Variants in PITPNM2 observed in about 807,000 individuals in gnomAD.
The protein encoded by PITPNM2 is phosphatidylinositol transfer protein membrane associated 2, also known as membrane-associated phosphatidylinositol transfer protein 2.
A neutral mutation model predicts 132.2 loss-of-function variants in PITPNM2; 35 were observed. That is an observed-to-expected ratio of 0.26 (90% CI 0.20 to 0.35). The LOEUF is 0.35. Among genes scored for constraint, PITPNM2 ranks in the 10% least tolerant of loss-of-function variants. PITPNM2 has a pLI of 1.00. For synonymous variants in PITPNM2, 738 were observed against 799.2 expected (o/e 0.92, Z 1.29); for missense variants, 1,332 against 1,912.0 (o/e 0.70, Z 5.66).
intron 3 of PITPNM2, among the ~76,000 whole-genome samples, chr12:123,026,804 T>G (rs1413220588): frequency 6.6e-6 from 1 of 152,376 alleles, no homozygotes; most frequent in East Asian, 1.9e-4. Context: ...TGGCTCCCAG[T>G]GCTCCTTGGC....
intron 1 of PITPNM2, among the ~76,000 whole-genome samples, chr12:123,121,936 C>A (rs997658863): frequency 3.9e-5 from 6 of 152,060 alleles, no homozygotes; most frequent in Admixed American, 1.3e-4. Context: ...CTCACTGCAA[C>A]GTCTGCCTCC....
rs1170719549 is a variant in PITPNM2 at position 123,064,537 on chromosome 12, T to C, written c.-95-29852A>G. 6.6e-6 allele frequency among the ~76,000 whole-genome samples: 1 copy of C among 152,164 alleles called. No individual in the cohort carries two copies. Among genetic ancestry groups the C allele is most frequent in the Non-Finnish European group, 1.5e-5 (1 of 68,012 alleles). ...CGCGCACAGTCTGGCTCCTCTATCT[T>C]TGGCGGGGAGCCTGGGGCTATTTCG... On this transcript the variant is annotated intron_variant, in intron 2 of 25. Transcript: ENST00000320201. The surrounding 1 kb of genome is among the most constrained non-coding windows in gnomAD (Gnocchi z 4.0).
chr12:123,013,259 C>CA (rs1183717642), intron 4 of PITPNM2, among the ~76,000 whole-genome samples: 1 of 152,230 alleles, frequency 6.6e-6, no homozygotes, highest in Non-Finnish European at 1.5e-5. Context: ...GTGGGGACCC[C>CA]ACCTGCTCAG....
intron 1 of PITPNM2, among the ~76,000 whole-genome samples, chr12:123,132,782 G>T (rs994512647): frequency 2.0e-5 from 3 of 151,336 alleles, no homozygotes; most frequent in African/African-American, 7.3e-5. Flanking sequence ...TTGTCCTTTT[G>T]TGTCTGACTT....
intron 1 of PITPNM2, among the ~76,000 whole-genome samples, chr12:123,128,888 G>A (rs992516820): frequency 6.6e-6 from 1 of 152,116 alleles, no homozygotes; most frequent in Non-Finnish European, 1.5e-5. Flanking sequence ...TGTAATCTCA[G>A]CACTTGGGAG....
chr12:123,138,803 T>C (rs2043437133), intron 1 of PITPNM2, among the ~76,000 whole-genome samples: 1 of 152,216 alleles, frequency 6.6e-6, no homozygotes, highest in South Asian at 2.1e-4. Flanking sequence ...TAACACTGAA[T>C]TATATACTTT....
Position 123,074,281 on chromosome 12 carries a change from A to C in PITPNM2, c.-96+36104T>G, listed in dbSNP as rs564729768. On this transcript the variant is annotated intron_variant, in intron 2 of 25. Transcript: ENST00000320201. ...TGAAGTGGATTTAAGATCCCAGTGC[A>C]GACATAGGTTAAGGAGTTTGCTGAG... Among the ~76,000 whole-genome samples the C allele has an allele frequency of 2.1e-4, 32 of 152,358 alleles. 1 individual carries two copies. The highest frequency in any genetic ancestry group is 7.5e-4 in the African/African-American group (31 of 41,580).
intron 3 of PITPNM2, among the ~76,000 whole-genome samples, chr12:123,024,997 G>A (rs774042982): frequency 1.2e-4 from 18 of 152,192 alleles, no homozygotes; most frequent in Non-Finnish European, 2.4e-4. Context: ...CAAGCAGGAA[G>A]GGGCCTCGCT....
At chr12:123,102,636 G>C (rs1031598532) in intron 2 of PITPNM2, among the ~76,000 whole-genome samples, 3 of 152,180 alleles carry the variant, frequency 2.0e-5, no homozygotes, top group African/African-American at 4.8e-5. Context: ...CCCATGCTGA[G>C]CTGGGAACTT....
chr12:123,050,827 C>T (rs1027835931), intron 2 of PITPNM2, among the ~76,000 whole-genome samples: 2 of 152,124 alleles, frequency 1.3e-5, no homozygotes, highest in East Asian at 1.9e-4. Context: ...ATCCTCCAGC[C>T]GATGACAGAT....
At chr12:123,092,782 A>C (rs1046770358) in intron 2 of PITPNM2, 2 of 152,220 alleles carry the variant, frequency 1.3e-5, no homozygotes, top group African/African-American at 2.4e-5. Flanking sequence ...TGATCTCTGC[A>C]ACTCCTTCTC....
At position 122,987,419 on chromosome 12, in the gene PITPNM2, G is replaced by A. The variant is rs1170476757; in HGVS notation, c.3275C>T (p.Thr1092Met). 2 of 1,613,880 alleles carry A rather than the reference G, an allele frequency of 1.2e-6. No individual in the cohort carries two copies. The highest frequency in any genetic ancestry group is 1.7e-5 in the Admixed American group (1 of 60,032). The change falls in exon 23 of 26, where the codon ACG (threonine) becomes ATG (methionine). Residue 1092 changes from threonine to methionine, a missense_variant. Coordinates refer to ENST00000320201, the MANE Select transcript of PITPNM2 (RefSeq NM_020845.3). ...PIKMVVRGDH[T>M]FADSYITVLP... ...CACGGTGATGTAGCTGTCGGCAAAC[G>A]TGTGGTCTCCCCTGGCAGGTGGTGG...
At chr12:123,028,780 G>A (rs928078716) in intron 3 of PITPNM2, among the ~76,000 whole-genome samples, 2 of 152,140 alleles carry the variant, frequency 1.3e-5, no homozygotes, top group South Asian at 2.1e-4. Flanking sequence ...AGGCTAGAGC[G>A]GGCACAGACG....
At position 123,005,563 on chromosome 12, in the gene PITPNM2, G is replaced by A. The variant is rs2038892492; in HGVS notation, c.644-15C>T. The A allele has an allele frequency of 6.2e-7, 1 of 1,607,300 alleles. No homozygotes were observed. The highest frequency in any genetic ancestry group is 1.3e-5 in the African/African-American group (1 of 74,824). On this transcript the variant is annotated splice_polypyrimidine_tract_variant and intron_variant, in intron 6 of 25. Transcript: ENST00000320201. The surrounding 1 kb of genome is among the most constrained non-coding windows in gnomAD (Gnocchi z 6.2). ...CCTCCGTAGTCCTGTGCCCCATGGG[G>A]ATCAGAGAGGGAGAGACGAGGGGAG...
Position 122,990,653 on chromosome 12 carries a change from G to A in PITPNM2, c.2461C>T (p.Pro821Ser). Residue 821 changes from proline (P) to serine (S), a missense_variant, in exon 17 of 26, where the codon CCG (proline) becomes TCG (serine). Pro to Ser is a moderately conservative substitution (Grantham distance 74). Around this residue, in one of 6 missense-constraint regions of PITPNM2, gnomAD observed 710 missense variants for 911.5 expected, o/e 0.78. Transcript: ENST00000320201. ...CCACGACTGGCAGGGGCAGTGCCCG[G>A]CGAGGAGGGGGCGCCATGCTCTTGG... is the stretch of plus-strand genomic sequence containing the variant. The part of the protein sequence containing the change: ...AFQEHGAPSS[P>S]GTAPASRGFR... The A allele has an allele frequency of 1.2e-6, 2 of 1,611,844 alleles. No individual in the cohort carries two copies. Among genetic ancestry groups the A allele is most frequent in the Non-Finnish European group, 1.7e-6 (2 of 1,179,948 alleles).
Position 123,095,060 on chromosome 12 carries a change from G to T in PITPNM2, c.-96+15325C>A, listed in dbSNP as rs1296558489. 1.3e-5 allele frequency among the ~76,000 whole-genome samples: 2 copies of T among 152,116 alleles called. No homozygotes were observed. Among genetic ancestry groups the T allele is most frequent in the Admixed American group, 1.3e-4 (2 of 15,274 alleles). ...TTTTCTTTGGTCACTTCTTTTTCGG[G>T]GCACTGGGGCTCACAGCACGGCAGT... On this transcript the variant is annotated intron_variant, in intron 2 of 25. Transcript: ENST00000320201. The surrounding 1 kb of genome is among the most constrained non-coding windows in gnomAD (Gnocchi z 5.0).
chr12:123,042,717 CTTCCCAAACCTACTGG>C (rs1205165568), intron 2 of PITPNM2, among the ~76,000 whole-genome samples: 1 of 152,306 alleles, frequency 6.6e-6, no homozygotes, highest in East Asian at 1.9e-4. Flanking sequence ...CTGCTCTCTG[CTTCCCAAACCTACTGG>C]TTCCCAATCA....
rs1438824865 is a variant in PITPNM2 at position 122,986,301 on chromosome 12, T to C, written c.3776A>G (p.His1259Arg). The C allele has an allele frequency of 6.3e-7, 1 of 1,583,038 alleles. No individual in the cohort carries two copies. Among genetic ancestry groups the C allele is most frequent in the Non-Finnish European group, 8.6e-7 (1 of 1,167,678 alleles). ...CGTGTTGCGAGCGGGCCGCGCCCGG[T>C]GGCTGTACTTCAGCTGCGCCAGGTG... ...AAHLAQLKYS[H>R]RARPARNTAT... The change falls in exon 26 of 26, where the codon CAC becomes CGC. Residue 1259 changes from histidine (H) to arginine (R), a missense_variant. By Grantham distance (29) the His-to-Arg change is conservative (BLOSUM62 0). Coordinates refer to ENST00000320201, the MANE Select transcript of PITPNM2 (RefSeq NM_020845.3).
chr12:122,990,397 A>G, intron 17 of PITPNM2, 148 bp downstream of exon 17: 2 of 1,163,294 alleles, frequency 1.7e-6, no homozygotes, highest in South Asian at 1.5e-5. Flanking sequence ...GGTGCCCAGC[A>G]GCCTCCCTCC....
Sources: allele counts gnomAD v4.1 joint callset (sites outside exome capture counted in the v4.1 genomes callset), GRCh38; gene constraint gnomAD v4.1.1; regional missense constraint gnomAD v4.1.1; non-coding constraint Gnocchi (gnomAD v3.1); transcripts MANE v1.5; gene names NCBI Gene and HGNC (gene_info 2026-07-23, HGNC 2026-07-21).